SNTG1: variants seen among roughly 807,000 people sequenced by gnomAD.
The protein encoded by SNTG1 is syntrophin gamma 1.
Under a neutral mutation model 74.7 loss-of-function variants are expected in SNTG1, and 39 were observed. That is an observed-to-expected ratio of 0.52 (90% CI 0.40 to 0.68). The LOEUF is 0.68. Among genes scored for constraint, SNTG1 ranks in the 30% least tolerant of loss-of-function variants. The probability of loss-of-function intolerance (pLI) is 0.00; values close to 1 mark genes in which losing one functional copy is unlikely to be tolerated. For synonymous variants in SNTG1, 254 were observed against 217.1 expected, an observed-to-expected ratio of 1.17 and a Z score of -1.49; for missense variants, 685 against 609.5, an observed-to-expected ratio of 1.12 and a Z score of -1.30.
At chr8:50,495,460 A>G (rs1193406558) in intron 8 of SNTG1, among the ~76,000 whole-genome samples, 2 of 144,656 alleles carry the variant, frequency 1.4e-5, no homozygotes, top group Non-Finnish European at 3.0e-5. Context: ...ATCATGTCAA[A>G]TTCTTTTTTT....
At chr8:50,377,178 C>T (rs927117106) in intron 2 of SNTG1, among the ~76,000 whole-genome samples, 1 of 149,198 alleles carries the variant, frequency 6.7e-6, no homozygotes, top group Admixed American at 6.8e-5. Flanking sequence ...GTGAGTTTGG[C>T]TGAATTTTTG....
intron 1 of SNTG1, among the ~76,000 whole-genome samples, chr8:49,946,834 T>G (rs536074122): frequency 3.3e-5 from 5 of 152,228 alleles, no homozygotes; most frequent in African/African-American, 1.2e-4. Context: ...TAACTTCTAG[T>G]TGGATTCAAA....
intron 2 of SNTG1, among the ~76,000 whole-genome samples, chr8:50,328,054 C>T (rs1012526365): frequency 1.4e-4 from 22 of 151,898 alleles, no homozygotes; most frequent in Admixed American, 2.0e-4. Flanking sequence ...TTTTAACAAA[C>T]GTTTTGCTGT....
intron 1 of SNTG1, among the ~76,000 whole-genome samples, chr8:50,100,038 A>G (rs763506444): frequency 1.3e-5 from 2 of 152,088 alleles, no homozygotes; most frequent in Non-Finnish European, 1.5e-5. Context: ...GATGACGGAC[A>G]ATGCAAATGT....
At chr8:50,376,152 G>A (rs922259835) in intron 2 of SNTG1, among the ~76,000 whole-genome samples, 2 of 152,214 alleles carry the variant, frequency 1.3e-5, no homozygotes, top group African/African-American at 2.4e-5. Context: ...GCTTTCCTGC[G>A]TCTGCTGCAC....
At chr8:50,176,603 G>C (rs2083008404) in intron 2 of SNTG1, among the ~76,000 whole-genome samples, 1 of 152,144 alleles carries the variant, frequency 6.6e-6, no homozygotes, top group Non-Finnish European at 1.5e-5. Context: ...AGAGTGACTT[G>C]CATTTGTTTG....
chr8:50,151,929 C>A (rs1401065895), intron 1 of SNTG1, among the ~76,000 whole-genome samples: 2 of 152,150 alleles, frequency 1.3e-5, no homozygotes, highest in Non-Finnish European at 2.9e-5. Flanking sequence ...ATTAGGTCAG[C>A]TTGGTGCCGA....
At chr8:50,622,724 G>A (rs1004373656) in intron 13 of SNTG1, among the ~76,000 whole-genome samples, 1 of 152,004 alleles carries the variant, frequency 6.6e-6, no homozygotes, top group African/African-American at 2.4e-5. Context: ...TATTACAGAT[G>A]AGATTATAAT....
chr8:50,232,165 G>A (rs1445665624), intron 2 of SNTG1, among the ~76,000 whole-genome samples: 2 of 151,298 alleles, frequency 1.3e-5, no homozygotes, highest in African/African-American at 4.8e-5. Context: ...AAACTACAGA[G>A]CAATATGTCT....
At chr8:50,018,763 T>C (rs1163117974) in intron 1 of SNTG1, among the ~76,000 whole-genome samples, 1 of 151,994 alleles carries the variant, frequency 6.6e-6, no homozygotes, top group African/African-American at 2.4e-5. Context: ...ATTAGATAAA[T>C]GCAAATTAAA....
At chr8:50,391,199 C>T (rs2092654005) in intron 2 of SNTG1, among the ~76,000 whole-genome samples, 1 of 152,164 alleles carries the variant, frequency 6.6e-6, no homozygotes, top group Admixed American at 6.5e-5. Context: ...ATGATATTGG[C>T]TGTGGTTTTG....
intron 12 of SNTG1, among the ~76,000 whole-genome samples, chr8:50,554,728 G>A (rs1036299675): frequency 6.6e-6 from 1 of 152,066 alleles, no homozygotes; most frequent in African/African-American, 2.4e-5. Context: ...TTTCTCTAGG[G>A]ATTGTTTCCT....
rs1322416132 is a variant in SNTG1 at position 50,793,594 on chromosome 8, C to G, written c.*765C>G. On this transcript the variant is annotated 3_prime_UTR_variant, in exon 19 of 19. Transcript: ENST00000642720. The stretch of plus-strand genomic sequence containing the variant: ...GAGTGATGGAAAATTTCATGAACCT[C>G]TCATTTCTTCCTTGGTTTGAAAGAG... The G allele has an allele frequency of 1.3e-5, 2 of 151,822 alleles. No individual in the cohort carries two copies. The highest frequency in any genetic ancestry group is 1.3e-4 in the Admixed American group (2 of 15,188). 9.4% of individuals were successfully genotyped at this position (151,822 alleles called of 1,614,324 possible). A position where few individuals can be genotyped will look rare whatever the true frequency, so the allele number is the denominator to read the frequency against.
intron 8 of SNTG1, among the ~76,000 whole-genome samples, chr8:50,488,373 A>G (rs1300263721): frequency 2.0e-5 from 3 of 152,198 alleles, no homozygotes; most frequent in Admixed American, 6.5e-5. Context: ...CAGTTTTTCA[A>G]TGTTTCCATA....
In SNTG1 at chr8:50,333,970, C is replaced by T. The variant is rs185044241; in HGVS notation, c.-27-60242C>T. ...TAATTTAGATTCTTGTCAAAAAAGA[C>T]ACTGCAGCCTCTGCCTCCCGGGTTC... is the stretch of plus-strand genomic sequence containing the variant. On this transcript the variant is annotated intron_variant, in intron 2 of 18. Transcript: ENST00000642720. 1.5e-3 allele frequency among the ~76,000 whole-genome samples: 232 copies of T among 152,308 alleles called. 1 individual carries two copies. Among genetic ancestry groups the T allele is most frequent in the South Asian group, 9.5e-3 (46 of 4,832 alleles).
chr8:50,522,498 T>C (rs978956094), intron 9 of SNTG1, among the ~76,000 whole-genome samples: 4 of 151,800 alleles, frequency 2.6e-5, no homozygotes, highest in Admixed American at 2.0e-4. Context: ...TAAATAAAAA[T>C]GGAATTCAAC....
In SNTG1 at chr8:49,969,177, T is replaced by A. The variant is rs73677829; in HGVS notation, c.-103+56946T>A. Among the ~76,000 whole-genome samples the A allele has an allele frequency of 8.7e-3, 1,319 of 152,198 alleles. 30 individuals are homozygous for A. Among genetic ancestry groups the A allele is most frequent in the African/African-American group, 0.029 (1,201 of 41,540 alleles). On this transcript the variant is annotated intron_variant, in intron 1 of 18. Coordinates refer to ENST00000642720, the MANE Select transcript of SNTG1 (RefSeq NM_018967.5). ...CTGCATTGATTATTTTTCTTTTTAA[T>A]AACGTGGTGAATAATTTTTTAAGAG...
At chr8:50,598,478 A>G (rs1271644397) in intron 13 of SNTG1, among the ~76,000 whole-genome samples, 1 of 151,790 alleles carries the variant, frequency 6.6e-6, no homozygotes, top group African/African-American at 2.4e-5. Flanking sequence ...TTTATTTACT[A>G]TATCTTTGTA....
At chr8:50,519,077 C>A (rs35796758) in intron 9 of SNTG1, among the ~76,000 whole-genome samples, 1 of 152,178 alleles carries the variant, frequency 6.6e-6, no homozygotes, top group Non-Finnish European at 1.5e-5. Context: ...CAAAATGAAT[C>A]CAGCAGCACA....
Sources: gnomAD v4.1 joint callset for allele counts (sites outside exome capture counted in the v4.1 genomes callset) on GRCh38, gnomAD v4.1.1 for gene constraint, MANE v1.5 for transcripts, NCBI Gene and HGNC (gene_info 2026-07-23, HGNC 2026-07-21) for gene names.